The following CSTPP1 variants were observed in gnomAD, a reference collection of about 807,000 sequenced individuals.
CSTPP1 encodes the protein centriolar satellite-associated tubulin polyglutamylase complex regulator 1.
At chr11:47,158,337 C>T in the CSTPP1 span, among the ~76,000 whole-genome samples, 6 of 132,624 alleles carry the variant, frequency 4.5e-5, no homozygotes, top group Non-Finnish European at 6.6e-5. Context: ...ACCTTTTTTC[C>T]AAGCTGAAAA....
the CSTPP1 span, chr11:47,052,761 A>G: frequency 2.6e-6 from 1 of 390,288 alleles, no homozygotes. Context: ...CACTAATGGT[A>G]CCTATTAAGA....
chr11:47,006,473 T>A, the CSTPP1 span, among the ~76,000 whole-genome samples: 12 of 152,320 alleles, frequency 7.9e-5, no homozygotes, highest in East Asian at 2.3e-3. Context: ...TTTAAACTAT[T>A]CGGTGTTCTT....
At chr11:47,144,739 G>A in the CSTPP1 span, among the ~76,000 whole-genome samples, 1 of 152,150 alleles carries the variant, frequency 6.6e-6, no homozygotes, top group African/African-American at 2.4e-5. Flanking sequence ...TGAGGCCGAA[G>A]TGACAAAGGG....
the CSTPP1 span, among the ~76,000 whole-genome samples, chr11:47,038,771 C>T: frequency 1.7e-5 from 2 of 120,216 alleles, no homozygotes; most frequent in African/African-American, 2.6e-5. Flanking sequence ...CGGAGGGGCT[C>T]CTCACTTCTC....
At chr11:47,126,573 C>T in the CSTPP1 span, among the ~76,000 whole-genome samples, 1 of 152,172 alleles carries the variant, frequency 6.6e-6, no homozygotes, top group Non-Finnish European at 1.5e-5. Context: ...TTCCAGGCTG[C>T]AGCGAGCTAT....
the CSTPP1 span, among the ~76,000 whole-genome samples, chr11:47,051,626 A>G: frequency 4.6e-5 from 7 of 152,156 alleles, no homozygotes; most frequent in South Asian, 8.3e-4. Flanking sequence ...TTATGTCCCC[A>G]TAGCCATGTC....
chr11:47,164,104 C>T, the CSTPP1 span: 6 of 1,611,354 alleles, frequency 3.7e-6, no homozygotes, highest in African/African-American at 2.7e-5. Context: ...GTGGTGAGGT[C>T]GAAGCTGCAC....
the CSTPP1 span, among the ~76,000 whole-genome samples, chr11:46,937,329 T>C: frequency 8.9e-4 from 90 of 101,688 alleles, no homozygotes; most frequent in African/African-American, 3.4e-3. Flanking sequence ...GTGGAGAAAC[T>C]GGGGCTGAAG....
chr11:47,140,627 C>T, the CSTPP1 span, among the ~76,000 whole-genome samples: 6 of 150,490 alleles, frequency 4.0e-5, no homozygotes, highest in African/African-American at 1.2e-4. Context: ...TTGGTAGAGA[C>T]GGGGTTTCAC....
the CSTPP1 span, among the ~76,000 whole-genome samples, chr11:46,970,271 C>T: frequency 3.7e-3 from 558 of 151,578 alleles, 1 homozygote; most frequent in Middle Eastern, 6.8e-3. Flanking sequence ...ATTGAGATCC[C>T]GGAAATAGAT....
chr11:46,977,216 A>G, the CSTPP1 span, among the ~76,000 whole-genome samples: 1 of 152,206 alleles, frequency 6.6e-6, no homozygotes, highest in Non-Finnish European at 1.5e-5. Context: ...GTACTGCTAC[A>G]TGGGCTAGGG....
At chr11:47,017,983 C>T in the CSTPP1 span, among the ~76,000 whole-genome samples, 41 of 152,164 alleles carry the variant, frequency 2.7e-4, no homozygotes, top group Admixed American at 2.1e-3. Context: ...CAGTATATAA[C>T]GTTTTGAGAT....
At chr11:47,084,784 C>A in the CSTPP1 span, among the ~76,000 whole-genome samples, 3 of 152,102 alleles carry the variant, frequency 2.0e-5, no homozygotes, top group Non-Finnish European at 4.4e-5. Context: ...TCAACTTTTT[C>A]TTTTTCAAGA....
the CSTPP1 span, among the ~76,000 whole-genome samples, chr11:47,050,976 C>A: frequency 2.6e-5 from 4 of 152,184 alleles, no homozygotes; most frequent in African/African-American, 9.7e-5. Flanking sequence ...AAGGAACTAA[C>A]TTTATTCTAA....
chr11:47,083,720 T>C, the CSTPP1 span, among the ~76,000 whole-genome samples: 13 of 152,244 alleles, frequency 8.5e-5, no homozygotes, highest in Non-Finnish European at 1.9e-4. Flanking sequence ...TTTACATGCA[T>C]ATTAGCCATT....
At chr11:47,070,525 A>G in the CSTPP1 span, among the ~76,000 whole-genome samples, 1 of 152,150 alleles carries the variant, frequency 6.6e-6, no homozygotes, top group Non-Finnish European at 1.5e-5. Context: ...CAAGCATTTC[A>G]GGTGATTCTT....
At chr11:47,095,302 A>G in the CSTPP1 span, among the ~76,000 whole-genome samples, 1 of 152,168 alleles carries the variant, frequency 6.6e-6, no homozygotes, top group East Asian at 1.9e-4. Context: ...TCATTTATGA[A>G]CTTTGTTCTC....
the CSTPP1 span, among the ~76,000 whole-genome samples, chr11:47,048,159 A>G: frequency 6.6e-6 from 1 of 152,240 alleles, no homozygotes; most frequent in South Asian, 2.1e-4. Flanking sequence ...GTAGGTATAC[A>G]TCTAAAAGAA....
the CSTPP1 span, among the ~76,000 whole-genome samples, chr11:47,144,607 C>T: frequency 1.1e-4 from 16 of 152,170 alleles, no homozygotes; most frequent in Non-Finnish European, 2.4e-4. Flanking sequence ...TTGCACTTCA[C>T]AGCAATCAGA....
Sources: allele counts gnomAD v4.1 joint callset (sites outside exome capture counted in the v4.1 genomes callset), GRCh38; gene constraint gnomAD v4.1.1; transcripts MANE v1.5; gene names NCBI Gene and HGNC (gene_info 2026-07-23, HGNC 2026-07-21).